CDH13: variants seen among roughly 807,000 people sequenced by gnomAD.
CDH13 encodes cadherin 13, also known as cadherin-13.
A neutral mutation model predicts 63.8 loss-of-function variants in CDH13; 24 were observed. The observed-to-expected ratio is 0.38, with a 90% CI of 0.27 to 0.53. The LOEUF (loss-of-function observed/expected upper bound fraction) is 0.53, where lower values mean the gene tolerates loss of function less well. Among genes scored for constraint, CDH13 ranks in the 20% least tolerant of loss-of-function variants. CDH13 has a pLI of 0.85. For missense variants in CDH13, 1,049 were observed against 903.1 expected, an observed-to-expected ratio of 1.16 and a Z score of -2.07; for synonymous variants, 503 against 355.3, an observed-to-expected ratio of 1.42 and a Z score of -4.67.
chr16:82,682,663 A>G (rs993917140), intron 1 of CDH13, among the ~76,000 whole-genome samples: 4 of 152,220 alleles, frequency 2.6e-5, no homozygotes, highest in Non-Finnish European at 5.9e-5. Flanking sequence ...TCAAATAGGA[A>G]GTCTCCAAGG....
intron 1 of CDH13, among the ~76,000 whole-genome samples, chr16:82,776,085 C>G (rs2035482238): frequency 1.3e-5 from 2 of 152,144 alleles, no homozygotes; most frequent in African/African-American, 2.4e-5. Flanking sequence ...TGGTGCATGC[C>G]TATAATCCCA....
At chr16:83,203,466 C>G (rs1290834393) in intron 4 of CDH13, among the ~76,000 whole-genome samples, 1 of 151,824 alleles carries the variant, frequency 6.6e-6, no homozygotes, top group Non-Finnish European at 1.5e-5. Flanking sequence ...GCGGGCGGAT[C>G]ATGAGGTTAG....
chr16:83,020,237 A>T lies in CDH13; in HGVS notation c.158-11773A>T, dbSNP rs182235044. Among the ~76,000 whole-genome samples, 20 of 152,180 alleles carry T rather than the reference A, an allele frequency of 1.3e-4. No individual in the cohort carries two copies. In the East Asian group the frequency reaches 3.9e-3, roughly 29 times the overall value. ...ACACCTGCATAGCTGTAGGACCTCAATGTATTCTCCTTCCTGGCCTTTTAT... is the reference window on the plus strand; with the variant it reads ...ACACCTGCATAGCTGTAGGACCTCATTGTATTCTCCTTCCTGGCCTTTTAT... On this transcript the variant is annotated intron_variant, in intron 2 of 13. Coordinates refer to ENST00000567109, the MANE Select transcript of CDH13 (RefSeq NM_001257.5).
chr16:83,331,759 T>C (rs1597768956), intron 5 of CDH13, among the ~76,000 whole-genome samples: 1 of 152,226 alleles, frequency 6.6e-6, no homozygotes, highest in Middle Eastern at 3.2e-3. Context: ...TTAACATGCA[T>C]ACTATACCAT....
intron 11 of CDH13, among the ~76,000 whole-genome samples, chr16:83,775,207 AATGAATTGGCCTC>A (rs1490768474): frequency 6.6e-6 from 1 of 151,766 alleles, no homozygotes; most frequent in African/African-American, 2.4e-5. Context: ...CCATACCTAC[AATGAATTGGCCTC>A]AGATCTTCTG....
chr16:83,270,888 C>CTCCCTTCCTCCCTCCT (rs1278266432), intron 5 of CDH13, among the ~76,000 whole-genome samples: 2 of 150,096 alleles, frequency 1.3e-5, no homozygotes, highest in Non-Finnish European at 3.0e-5. Flanking sequence ...CCCTCCCTCC[C>CTCCCTTCCTCCCTCCT]TCCCTTCCTC....
chr16:82,740,850 C>T (rs2033894786), intron 1 of CDH13, among the ~76,000 whole-genome samples: 1 of 152,030 alleles, frequency 6.6e-6, no homozygotes, highest in African/African-American at 2.4e-5. Flanking sequence ...ATAGCAAAAG[C>T]CTCCATATGG....
chr16:83,164,506 A>C (rs1396320557), intron 4 of CDH13, among the ~76,000 whole-genome samples: 2 of 152,012 alleles, frequency 1.3e-5, no homozygotes, highest in African/African-American at 4.8e-5. Flanking sequence ...AGATCTCCTG[A>C]GGTCAGGGGT....
rs2074103695 is a variant in CDH13, at chr16:83,495,068, A to G, written c.960+8413A>G. ...ACTTGAAGATATTATTATCAACAGA[A>G]AGAGTCAAACTCTATAAAATTTGAA... is the stretch of plus-strand genomic sequence containing the variant. On this transcript the variant is annotated intron_variant, in intron 7 of 13. Transcript: ENST00000567109. 1.3e-5 allele frequency among the ~76,000 whole-genome samples: 2 copies of G among 152,160 alleles called. 1 individual carries two copies. Among genetic ancestry groups the G allele is most frequent in the South Asian group, 4.1e-4 (2 of 4,822 alleles).
At chr16:83,616,892 G>A (rs1909329841) in intron 8 of CDH13, among the ~76,000 whole-genome samples, 1 of 152,164 alleles carries the variant, frequency 6.6e-6, no homozygotes, top group Non-Finnish European at 1.5e-5. Flanking sequence ...ACCCCTACGT[G>A]CCAAGCTTTG....
chr16:83,288,107 A>G lies in CDH13; in HGVS notation c.637-56755A>G, dbSNP rs559293109. On this transcript the variant is annotated intron_variant, in intron 5 of 13. Transcript: ENST00000567109. ...GTGTCCATCATGACCTTTTTGCAGT[A>G]ATTGCGATTTTTAAAAATATTGCGT... Among the ~76,000 whole-genome samples, 3 of 152,272 alleles carry G rather than the reference A, an allele frequency of 2.0e-5. No individual in the cohort carries two copies. In the East Asian group the frequency reaches 5.8e-4, roughly 29 times the overall value.
chr16:83,045,806 T>C (rs1397672670), intron 3 of CDH13, among the ~76,000 whole-genome samples: 2 of 152,216 alleles, frequency 1.3e-5, no homozygotes, highest in East Asian at 3.9e-4. Context: ...AGAGGTACCA[T>C]TTATTCAGTC....
At chr16:83,761,015 G>T (rs1470146325) in intron 11 of CDH13, among the ~76,000 whole-genome samples, 2 of 152,134 alleles carry the variant, frequency 1.3e-5, no homozygotes, top group Non-Finnish European at 2.9e-5. Context: ...TTTGCAACGG[G>T]CAGAAGTGAC....
chr16:83,493,543 G>T lies in CDH13; in HGVS notation c.960+6888G>T, dbSNP rs181232857. ...TGATGGCTGTGTGGAAACCTGGAGT[G>T]CGGAAGCAGAAGGAAGGGCATCGTG... On this transcript the variant is annotated intron_variant, in intron 7 of 13. Coordinates refer to ENST00000567109, the MANE Select transcript of CDH13 (RefSeq NM_001257.5). 2.6e-5 allele frequency among the ~76,000 whole-genome samples: 4 copies of T among 152,332 alleles called. No individual in the cohort carries two copies. The East Asian group carries it at 7.7e-4, about 29-fold the overall frequency.
Position 82,672,999 on chromosome 16 carries a change from C to CTTTTTTTTTTTTTTTTTTTTTTTTTTTTT in CDH13, c.45+45882_45+45883insTTTTTTTTTTTTTTTTTTTTTTTTTTTTT, listed in dbSNP as rs562942948. 2.5e-5 allele frequency among the ~76,000 whole-genome samples: 2 copies of CTTTTTTTTTTTTTTTTTTTTTTTTTTTTT among 81,264 alleles called. 1 individual carries two copies. Among genetic ancestry groups the CTTTTTTTTTTTTTTTTTTTTTTTTTTTTT allele is most frequent in the Non-Finnish European group, 4.3e-5 (2 of 46,874 alleles). 53.3% of individuals were successfully genotyped at this position (81,264 alleles called of 152,430 possible). A position where few individuals can be genotyped will look rare whatever the true frequency, so the allele number is the denominator to read the frequency against. On this transcript the variant is annotated intron_variant, in intron 1 of 13. Coordinates refer to ENST00000567109, the MANE Select transcript of CDH13 (RefSeq NM_001257.5). ...GTATGGCTAATTTTTATAAAGTTTT[C>CTTTTTTTTTTTTTTTTTTTTTTTTTTTTT]TTTTTTTTTTTTTTTTTTTTGTAGA...
At chr16:83,648,635 C>G (rs888643421) in intron 8 of CDH13, among the ~76,000 whole-genome samples, 1 of 152,132 alleles carries the variant, frequency 6.6e-6, no homozygotes, top group Non-Finnish European at 1.5e-5. Flanking sequence ...CACCGACCCC[C>G]TGGGAATGCT....
At chr16:83,715,090 T>C (rs142473879) in intron 10 of CDH13, among the ~76,000 whole-genome samples, 1 of 152,138 alleles carries the variant, frequency 6.6e-6, no homozygotes, top group African/African-American at 2.4e-5. Flanking sequence ...TCTTCATTCG[T>C]TCATGCATGC....
chr16:83,282,720 G>C (rs930502528), intron 5 of CDH13, among the ~76,000 whole-genome samples: 1 of 152,204 alleles, frequency 6.6e-6, no homozygotes, highest in African/African-American at 2.4e-5. Context: ...CCAGTGCCTT[G>C]AGAGAATAAG....
At position 83,136,203 on chromosome 16, in the gene CDH13, T is replaced by C. The variant is rs6565129; in HGVS notation, c.483+10702T>C. Among the ~76,000 whole-genome samples the C allele has an allele frequency of 5.3e-5, 8 of 150,340 alleles. No homozygotes were observed. The South Asian group carries it at 1.3e-3, about 24-fold the overall frequency. ...AAAAAAAAAAAAGAAATAGACTTTG[T>C]CTGGGCACGGTGGCTCATGCCTGTA... On this transcript the variant is annotated intron_variant, in intron 4 of 13. Coordinates refer to ENST00000567109, the MANE Select transcript of CDH13 (RefSeq NM_001257.5).
Sources: gnomAD v4.1 joint callset for allele counts (sites outside exome capture counted in the v4.1 genomes callset) on GRCh38, gnomAD v4.1.1 for gene constraint, MANE v1.5 for transcripts, NCBI Gene and HGNC (gene_info 2026-07-23, HGNC 2026-07-21) for gene names.